DPP6: variants seen among roughly 807,000 people sequenced by gnomAD.
The protein encoded by DPP6 is dipeptidyl peptidase like 6.
Under a neutral mutation model 122.6 loss-of-function variants are expected in DPP6, and 69 were observed. That is an observed-to-expected ratio of 0.56 (90% CI 0.46 to 0.69). The LOEUF is 0.69. Ranked by LOEUF, DPP6 falls within the 30% of genes least tolerant of loss-of-function variation. DPP6 has a pLI of 0.00. For synonymous variants in DPP6, 418 were observed against 433.1 expected, an observed-to-expected ratio of 0.97 and a Z score of 0.43; for missense variants, 928 against 1,116.9, an observed-to-expected ratio of 0.83 and a Z score of 2.41.
chr7:153,774,129 T>G, the DPP6 span, among the ~76,000 whole-genome samples: 4 of 152,190 alleles, frequency 2.6e-5, no homozygotes, highest in Non-Finnish European at 4.4e-5. Context: ...TAAGGCTGTT[T>G]AGGCAGAAAC....
chr7:153,965,766 G>C (rs569436936), intron 1 of DPP6, among the ~76,000 whole-genome samples: 54 of 152,036 alleles, frequency 3.6e-4, no homozygotes, highest in South Asian at 1.0e-3. Context: ...CCAGACAGGC[G>C]GATCACGAGG....
At chr7:154,637,536 T>C (rs959239179) in intron 5 of DPP6, among the ~76,000 whole-genome samples, 3 of 152,210 alleles carry the variant, frequency 2.0e-5, no homozygotes, top group African/African-American at 7.2e-5. Context: ...CTGTGCTATA[T>C]TTAGTTAAGC....
At chr7:153,781,222 T>A in the DPP6 span, among the ~76,000 whole-genome samples, 2 of 152,136 alleles carry the variant, frequency 1.3e-5, 1 homozygote, top group East Asian at 3.9e-4. Context: ...CAGGCTGAGC[T>A]CTTCCACCAG....
chr7:154,037,253 T>C (rs867742836), intron 1 of DPP6, among the ~76,000 whole-genome samples: 9 of 152,130 alleles, frequency 5.9e-5, no homozygotes, highest in African/African-American at 2.2e-4. Context: ...AGAAAAGAGT[T>C]CAGTTGGTTT....
intron 10 of DPP6, among the ~76,000 whole-genome samples, chr7:154,776,199 T>TGATAGATAGGTAGATA (rs1554463872): frequency 6.7e-6 from 1 of 148,442 alleles, no homozygotes; most frequent in Non-Finnish European, 1.5e-5. Flanking sequence ...CCATGATAGA[T>TGATAGATAGGTAGATA]GATAGATAGA....
intron 1 of DPP6, among the ~76,000 whole-genome samples, chr7:154,249,718 C>T (rs920571178): frequency 6.6e-6 from 1 of 152,058 alleles, no homozygotes; most frequent in Non-Finnish European, 1.5e-5. Flanking sequence ...GGAGCCTGTC[C>T]CCAGATGCAT....
chr7:154,668,218 T>A (rs796269672), intron 6 of DPP6, among the ~76,000 whole-genome samples: 4 of 108,796 alleles, frequency 3.7e-5, no homozygotes, highest in Admixed American at 1.1e-4. Flanking sequence ...TATATATATA[T>A]AATATACACA....
At chr7:154,368,742 G>A (rs1418138535) in intron 1 of DPP6, among the ~76,000 whole-genome samples, 1 of 152,212 alleles carries the variant, frequency 6.6e-6, no homozygotes, top group Non-Finnish European at 1.5e-5. Flanking sequence ...AGATTCATTA[G>A]ATGAATTAAA....
chr7:154,198,848 C>G (rs868600548), intron 1 of DPP6, among the ~76,000 whole-genome samples: 2 of 152,080 alleles, frequency 1.3e-5, no homozygotes, highest in African/African-American at 2.4e-5. Context: ...GAGGGCCTGA[C>G]GAGGGTGGGT....
chr7:153,913,670 G>A (rs1051677162), intron 1 of DPP6, among the ~76,000 whole-genome samples: 2 of 132,226 alleles, frequency 1.5e-5, no homozygotes, highest in South Asian at 3.0e-4. Context: ...ACTGAATCCA[G>A]TTTTGGGGAC....
At chr7:154,531,387 C>CA (rs764129864) in intron 3 of DPP6, among the ~76,000 whole-genome samples, 1 of 151,632 alleles carries the variant, frequency 6.6e-6, no homozygotes, top group Admixed American at 6.6e-5. Context: ...TGCTGAAAGG[C>CA]AAAAAACAAA....
At chr7:154,145,416 CTA>C (rs1796040476) in intron 1 of DPP6, among the ~76,000 whole-genome samples, 1 of 152,208 alleles carries the variant, frequency 6.6e-6, no homozygotes, top group African/African-American at 2.4e-5. Flanking sequence ...GAAGAGGACT[CTA>C]AGCCCAAGAA....
At chr7:154,289,799 G>C (rs184860489) in intron 1 of DPP6, among the ~76,000 whole-genome samples, 1 of 152,236 alleles carries the variant, frequency 6.6e-6, no homozygotes, top group Non-Finnish European at 1.5e-5. Context: ...CAACCCCAGC[G>C]TCTGATGGGG....
At chr7:154,817,694 CATG>C (rs1799507236) in intron 16 of DPP6, among the ~76,000 whole-genome samples, 1 of 152,034 alleles carries the variant, frequency 6.6e-6, no homozygotes, top group Non-Finnish European at 1.5e-5. Context: ...TGATTAATGA[CATG>C]AGCATCATGA....
At chr7:154,433,844 A>C (rs993819135) in intron 1 of DPP6, among the ~76,000 whole-genome samples, 1 of 152,178 alleles carries the variant, frequency 6.6e-6, no homozygotes, top group African/African-American at 2.4e-5. Context: ...ACTTTCCAAC[A>C]AAATCATCAC....
chr7:154,596,465 A>AGGATTTCC (rs1833099566), intron 5 of DPP6, among the ~76,000 whole-genome samples: 1 of 152,248 alleles, frequency 6.6e-6, no homozygotes, highest in South Asian at 2.1e-4. Flanking sequence ...ATTTTGAGAA[A>AGGATTTCC]ACGTGAAAGG....
intron 1 of DPP6, among the ~76,000 whole-genome samples, chr7:154,279,199 GTA>G (rs1352609827): frequency 3.9e-5 from 6 of 152,036 alleles, no homozygotes; most frequent in Non-Finnish European, 1.5e-5. Context: ...ACATGTGTGA[GTA>G]TGTGAGTATA....
intron 8 of DPP6, among the ~76,000 whole-genome samples, chr7:154,753,455 C>T (rs1471528138): frequency 6.6e-6 from 1 of 152,070 alleles, no homozygotes; most frequent in Non-Finnish European, 1.5e-5. Flanking sequence ...ACAGCGACCA[C>T]CTGTGGATTT....
chr7:154,053,334 T>G lies in DPP6; in HGVS notation c.243+271T>G, dbSNP rs183691662. 1.9e-3 allele frequency among the ~76,000 whole-genome samples: 288 copies of G among 152,232 alleles called. 1 individual carries two copies. The highest frequency in any genetic ancestry group is 6.8e-3 in the Middle Eastern group (2 of 294). ...GTACTGCGCCTGCTGGGATCTGGAA[T>G]TCGCCTTACGTTCCCTGGGTGCGCG... On this transcript the variant is annotated intron_variant, in intron 1 of 25. Coordinates refer to ENST00000377770, the MANE Select transcript of DPP6 (RefSeq NM_130797.4).
Sources: gnomAD v4.1 joint callset for allele counts (sites outside exome capture counted in the v4.1 genomes callset) on GRCh38, gnomAD v4.1.1 for gene constraint, MANE v1.5 for transcripts, NCBI Gene and HGNC (gene_info 2026-07-23, HGNC 2026-07-21) for gene names.